The following CTSD variants were observed in gnomAD, a reference collection of about 807,000 sequenced individuals.
CTSD encodes ceroid-lipofuscinosis, neuronal 10.
Under a neutral mutation model 43.6 loss-of-function variants are expected in CTSD, and 28 were observed. The observed-to-expected ratio is 0.64, with a 90% CI of 0.48 to 0.88. The LOEUF is 0.88. Among genes scored for constraint, CTSD ranks in the 40% least tolerant of loss-of-function variants. The pLI, the probability that CTSD is intolerant of heterozygous loss-of-function variation, is 0.00. For synonymous variants in CTSD, 270 were observed against 249.8 expected (o/e 1.08, Z -0.76); for missense variants, 485 against 555.2 (o/e 0.87, Z 1.27).
At chr11:1,753,966 A>T in intron 7 of CTSD, 28 bp downstream of exon 7, 1 of 914,894 alleles carries the variant, frequency 1.1e-6, no homozygotes. Flanking sequence ...TGCCAGCCCC[A>T]GCCCCAGCCC....
chr11:1,756,609 GC>G (rs1253953835), intron 5 of CTSD, among the ~76,000 whole-genome samples: 1 of 141,330 alleles, frequency 7.1e-6, no homozygotes, highest in East Asian at 2.1e-4. Context: ...CAAAACAAAA[GC>G]CCCCAACCCC....
intron 7 of CTSD, 27 bp downstream of exon 7, chr11:1,753,967 G>GCCCCA: frequency 9.0e-7 from 1 of 1,105,766 alleles, no homozygotes; most frequent in Non-Finnish European, 1.3e-6. Context: ...GCCAGCCCCA[G>GCCCCA]CCCCAGCCCC....
At chr11:1,753,951 C>G (rs760348359) in intron 7 of CTSD, 43 bp downstream of exon 7, 1 of 1,610,128 alleles carries the variant, frequency 6.2e-7, no homozygotes. Flanking sequence ...CCTTGGGGCT[C>G]CCCCTGCCAG....
At chr11:1,754,540 GA>G in intron 6 of CTSD, among the ~76,000 whole-genome samples, 1 of 136,414 alleles carries the variant, frequency 7.3e-6, no homozygotes, top group Non-Finnish European at 1.6e-5. Context: ...TGGAGGGATG[GA>G]GGGATGGAGG....
At chr11:1,754,482 AGAGTCACAGAGGGATGTG>A in intron 6 of CTSD, among the ~76,000 whole-genome samples, 1 of 38,570 alleles carries the variant, frequency 2.6e-5, no homozygotes, top group East Asian at 1.4e-3. Context: ...AGGGTCATGG[AGAGTCACAGAGGGATGTG>A]GGGATGGAGG....
In CTSD at chr11:1,753,865, C is replaced by T. The variant is rs147800688; in HGVS notation, c.1009G>A (p.Ala337Thr). The change falls in exon 8 of 9, where the codon GCG becomes ACG. Residue 337 changes from alanine to threonine, a missense_variant. By Grantham distance (58) the Ala-to-Thr change is moderately conservative. Transcript: ENST00000236671. ...TTGCCTCCCAGCTTCAGTGTGATCG[C>T]GGGCAGGGTGGACACCTTCTCACAG... ...IPCEKVSTLP[A>T]ITLKLGGKGY... 1.3e-4 allele frequency: 205 copies of T among 1,613,600 alleles called. 5 individuals are homozygous for T. In the East Asian group the frequency reaches 1.4e-3, roughly 11 times the overall value.
chr11:1,763,874 G>A lies in CTSD; in HGVS notation c.-15C>T. The A allele has an allele frequency of 3.3e-6, 5 of 1,520,200 alleles. No individual in the cohort carries two copies. Among genetic ancestry groups the A allele is most frequent in the Non-Finnish European group, 4.4e-6 (5 of 1,139,582 alleles). 94.2% of individuals were successfully genotyped at this position (1,520,200 alleles called of 1,614,324 possible). ...GAGGGCTGCATGGCGGCGGCGGCCG[G>A]GTCGGAGAGGGTCGCCGAGGCCGTG... On this transcript the variant is annotated 5_prime_UTR_variant, in exon 1 of 9. Transcript: ENST00000236671.
Position 1,763,776 on chromosome 11 carries a change from G to A in CTSD, c.68+16C>T, listed in dbSNP as rs1457205580. 3.9e-6 allele frequency: 6 copies of A among 1,522,772 alleles called. No individual in the cohort carries two copies. Among genetic ancestry groups the A allele is most frequent in the Non-Finnish European group, 4.4e-6 (5 of 1,141,730 alleles). The allele number at this position is 1,522,772 out of a possible 1,614,324, so 94.3% of individuals were successfully genotyped here. A position where few individuals can be genotyped will look rare whatever the true frequency, so the allele number is the denominator to read the frequency against. On this transcript the variant is annotated intron_variant, in intron 1 of 8. Coordinates refer to ENST00000236671, the MANE Select transcript of CTSD (RefSeq NM_001909.5). Reference sequence around the variant, plus strand: ...GACCCCTGCCCGTCCCTGAGCCCCGGCCCCTGAGGCTTCACCTGACGAGCG... The same window carrying A: ...GACCCCTGCCCGTCCCTGAGCCCCGACCCCTGAGGCTTCACCTGACGAGCG...
At chr11:1,754,836 G>T (rs1252783338) in intron 6 of CTSD, 70 bp downstream of exon 6, 2 of 1,606,870 alleles carry the variant, frequency 1.2e-6, no homozygotes, top group African/African-American at 2.7e-5. Context: ...CAGAACCGGG[G>T]TCCTCCAGGG....
At position 1,757,346 on chromosome 11, in the gene CTSD, T is replaced by C. The variant is rs759415169; in HGVS notation, c.682A>G (p.Ile228Val). 6 of 1,613,948 alleles carry C rather than the reference T, an allele frequency of 3.7e-6. No homozygotes were observed. The highest frequency in any genetic ancestry group is 5.1e-6 in the Non-Finnish European group (6 of 1,179,974). ...CACCTGCTCAGGTAGAAGGAGAAGA[T>C]GTTCTGGTCCACCAGCTTCTGCTGC... ...LMQQKLVDQN[I>V]FSFYLSRDPD... The change falls in exon 5 of 9, where the codon ATC (isoleucine) becomes GTC (valine). Residue 228 changes from isoleucine to valine, a missense_variant. Physicochemically the swap from Ile to Val is conservative, Grantham distance 29. Transcript: ENST00000236671.
intron 6 of CTSD, among the ~76,000 whole-genome samples, 184 bp downstream of exon 6, chr11:1,754,722 G>A (rs1056103480): frequency 2.6e-5 from 4 of 151,118 alleles, no homozygotes; most frequent in Admixed American, 2.0e-4. Context: ...AGGGGATGGA[G>A]GTGATGGGGA....
intron 1 of CTSD, chr11:1,763,168 G>C (rs1277285735): frequency 2.0e-5 from 3 of 152,512 alleles, no homozygotes; most frequent in Non-Finnish European, 2.9e-5. Flanking sequence ...TGGCACAGGG[G>C]ATCGGCCTGA....
chr11:1,759,790 C>A, intron 2 of CTSD, 151 bp from the exon 3 acceptor site: 1 of 816,134 alleles, frequency 1.2e-6, no homozygotes, highest in Admixed American at 2.9e-5. Context: ...CCACTCCCAC[C>A]TGCTCAGCCT....
At chr11:1,754,358 G>GGAGGGATGGAGGGGATGGAGGGGCACA in intron 6 of CTSD, 1 of 509,074 alleles carries the variant, frequency 2.0e-6, no homozygotes, top group South Asian at 2.2e-5. Flanking sequence ...TGAGGGGCAT[G>GGAGGGATGGAGGGGATGGAGGGGCACA]GAGGGATGGA....
At position 1,753,024 on chromosome 11, in the gene CTSD, A is replaced by C; in HGVS notation, c.*479T>G. The C allele has an allele frequency of 3.7e-6, 1 of 273,060 alleles. No individual in the cohort carries two copies. Among genetic ancestry groups the C allele is most frequent in the Non-Finnish European group, 7.3e-6 (1 of 137,832 alleles). The allele number at this position is 273,060 out of a possible 1,614,324, so 16.9% of individuals were successfully genotyped here. A position where few individuals can be genotyped will look rare whatever the true frequency, so the allele number is the denominator to read the frequency against. Reference sequence around the variant, plus strand: ...CATCCTCAACGGGCCCGGGACACTGAACAGGTAGGGTGGCAGAGCCCAGCT... The same window carrying C: ...CATCCTCAACGGGCCCGGGACACTGCACAGGTAGGGTGGCAGAGCCCAGCT... On this transcript the variant is annotated 3_prime_UTR_variant, in exon 9 of 9. Coordinates refer to ENST00000236671, the MANE Select transcript of CTSD (RefSeq NM_001909.5).
At position 1,753,405 on chromosome 11, in the gene CTSD, C is replaced by A. The variant is rs376087786; in HGVS notation, c.*98G>T. 7 of 1,448,576 alleles carry A rather than the reference C, an allele frequency of 4.8e-6. No individual in the cohort carries two copies. Among genetic ancestry groups the A allele is most frequent in the African/African-American group, 4.2e-5 (3 of 71,756 alleles). 89.7% of individuals were successfully genotyped at this position (1,448,576 alleles called of 1,614,324 possible). The stretch of plus-strand genomic sequence containing the variant: ...CAGGGCGCCCAGGACAGTGGGCGGG[C>A]GAGTGTGTGGGTGTGTGTGGGAGGG... On this transcript the variant is annotated 3_prime_UTR_variant, in exon 9 of 9. Transcript: ENST00000236671.
intron 1 of CTSD, chr11:1,761,868 C>T (rs561965961): frequency 1.5e-5 from 5 of 334,184 alleles, no homozygotes; most frequent in South Asian, 5.1e-5. Flanking sequence ...AGGGTGCTGG[C>T]GGGTACCTGT....
intron 5 of CTSD, among the ~76,000 whole-genome samples, chr11:1,756,018 A>G (rs1248311924): frequency 6.6e-6 from 1 of 150,574 alleles, no homozygotes; most frequent in Non-Finnish European, 1.5e-5. Context: ...AACCATGTGC[A>G]CCTCCCCCAC....
chr11:1,754,320 G>C (rs1845768980), intron 6 of CTSD, 182 bp from the exon 7 acceptor site: 1 of 654,528 alleles, frequency 1.5e-6, no homozygotes, highest in South Asian at 1.8e-5. Context: ...CAGAGTGGTA[G>C]AGGGGGTGGG....
Sources: allele counts gnomAD v4.1 joint callset (sites outside exome capture counted in the v4.1 genomes callset), GRCh38; gene constraint gnomAD v4.1.1; transcripts MANE v1.5; gene names NCBI Gene and HGNC (gene_info 2026-07-23, HGNC 2026-07-21).